Variants in DOCK3 observed in about 807,000 individuals in gnomAD.
DOCK3 encodes dedicator of cytokinesis protein 3.
In DOCK3, 60 loss-of-function variants were observed where a neutral mutation model predicts 265.6. That is an observed-to-expected ratio of 0.23 (90% CI 0.18 to 0.28). The LOEUF (loss-of-function observed/expected upper bound fraction) is 0.28. DOCK3 is among the 10% of genes least tolerant of loss of function. The pLI is 1.00. For missense variants in DOCK3, 1,981 were observed against 2,594.3 expected (o/e 0.76, Z 5.14); for synonymous variants, 881 against 938.0 (o/e 0.94, Z 1.11).
At chr3:51,332,038 G>A (rs1336482542) in intron 33 of DOCK3, among the ~76,000 whole-genome samples, 1 of 152,234 alleles carries the variant, frequency 6.6e-6, no homozygotes, top group Non-Finnish European at 1.5e-5. Context: ...TTTCTCAGAA[G>A]CCTGGCCTAG....
intron 5 of DOCK3, among the ~76,000 whole-genome samples, chr3:50,938,747 A>G (rs2051534309): frequency 6.6e-6 from 1 of 152,032 alleles, no homozygotes; most frequent in South Asian, 2.1e-4. Flanking sequence ...ATACTGCAAA[A>G]GCATTGTTGA....
intron 9 of DOCK3, among the ~76,000 whole-genome samples, chr3:51,098,334 T>C (rs4465974): frequency 0.9 from 137,232 of 152,294 alleles, 62,028 homozygotes; most frequent in African/African-American, 0.95. Flanking sequence ...GGATTACAGG[T>C]GTGAGCCACT....
chr3:50,788,740 C>G (rs914412148), intron 2 of DOCK3, among the ~76,000 whole-genome samples: 1 of 148,634 alleles, frequency 6.7e-6, no homozygotes, highest in African/African-American at 2.5e-5. Context: ...TCTGGACTTC[C>G]TTCTGAGTGC....
chr3:51,147,417 G>T (rs1229569144), intron 10 of DOCK3, among the ~76,000 whole-genome samples: 4 of 152,082 alleles, frequency 2.6e-5, no homozygotes, highest in African/African-American at 9.7e-5. Context: ...AGGTATACAT[G>T]TGCCATGTTG....
intron 23 of DOCK3, among the ~76,000 whole-genome samples, chr3:51,262,158 G>C (rs574989493): frequency 2.0e-5 from 3 of 152,160 alleles, no homozygotes; most frequent in Admixed American, 6.5e-5. Context: ...CGCCTCATAC[G>C]GGAGAGCTCT....
intron 12 of DOCK3, among the ~76,000 whole-genome samples, chr3:51,190,022 A>G (rs961580017): frequency 2.0e-5 from 3 of 152,148 alleles, no homozygotes; most frequent in Non-Finnish European, 4.4e-5. Flanking sequence ...CACAAGCGCA[A>G]AGGCTTTCTG....
chr3:51,144,693 G>T (rs1028334694), intron 9 of DOCK3, among the ~76,000 whole-genome samples: 2 of 152,122 alleles, frequency 1.3e-5, no homozygotes, highest in Non-Finnish European at 2.9e-5. Context: ...ATGTCTAACT[G>T]CCTACCAGGA....
At chr3:50,942,105 G>A (rs1222414323) in intron 5 of DOCK3, among the ~76,000 whole-genome samples, 3 of 151,970 alleles carry the variant, frequency 2.0e-5, no homozygotes. Context: ...GATGAAGCTG[G>A]GTAAATGGTA....
At chr3:51,166,740 T>A (rs1439064878) in intron 12 of DOCK3, among the ~76,000 whole-genome samples, 1 of 152,256 alleles carries the variant, frequency 6.6e-6, no homozygotes, top group African/African-American at 2.4e-5. Context: ...TTCATATACC[T>A]GTTGGCCATT....
intron 27 of DOCK3, among the ~76,000 whole-genome samples, chr3:51,300,541 C>T (rs1481016998): frequency 1.3e-5 from 2 of 152,104 alleles, no homozygotes; most frequent in Non-Finnish European, 2.9e-5. Flanking sequence ...GTGGGTTTGT[C>T]GTAAATGCCA....
At chr3:50,988,692 C>T (rs796997467) in intron 5 of DOCK3, among the ~76,000 whole-genome samples, 15 of 152,274 alleles carry the variant, frequency 9.9e-5, no homozygotes, top group East Asian at 3.9e-4. Flanking sequence ...GTTTTGCAGC[C>T]GTCACTTGTG....
intron 2 of DOCK3, among the ~76,000 whole-genome samples, chr3:50,792,457 C>T (rs1435439646): frequency 6.6e-6 from 1 of 152,074 alleles, no homozygotes; most frequent in East Asian, 1.9e-4. Context: ...CTTTTTCTTG[C>T]CTAATTGTTC....
At chr3:51,213,599 G>A (rs1031249925) in intron 13 of DOCK3, among the ~76,000 whole-genome samples, 2 of 152,176 alleles carry the variant, frequency 1.3e-5, no homozygotes, top group African/African-American at 4.8e-5. Flanking sequence ...AGAATGTGAT[G>A]TCTCCTCTGT....
At chr3:51,348,665 T>C (rs369906421) in intron 38 of DOCK3, among the ~76,000 whole-genome samples, 187 bp from the exon 39 acceptor site, 25 of 152,244 alleles carry the variant, frequency 1.6e-4, no homozygotes, top group East Asian at 9.6e-4. Flanking sequence ...CTAAAAACTA[T>C]GCTTGAGCTA....
chr3:50,752,065 C>T (rs529255872), intron 1 of DOCK3, among the ~76,000 whole-genome samples: 1 of 152,234 alleles, frequency 6.6e-6, no homozygotes, highest in African/African-American at 2.4e-5. Context: ...CTATATCACC[C>T]CAGTACCTGC....
At chr3:51,089,163 C>G in intron 7 of DOCK3, 80 bp from the exon 8 acceptor site, 1 of 1,430,328 alleles carries the variant, frequency 7.0e-7, no homozygotes, top group Admixed American at 2.0e-5. Context: ...GCATAGCAGA[C>G]TGCCCAGCAT....
intron 33 of DOCK3, among the ~76,000 whole-genome samples, chr3:51,331,955 G>A (rs1276623462): frequency 1.3e-5 from 2 of 152,162 alleles, no homozygotes; most frequent in Non-Finnish European, 2.9e-5. Flanking sequence ...ATTTCTCAAC[G>A]GATAAAGCCA....
At chr3:50,888,126 A>C (rs1474957045) in intron 3 of DOCK3, among the ~76,000 whole-genome samples, 1 of 152,152 alleles carries the variant, frequency 6.6e-6, no homozygotes, top group Admixed American at 6.6e-5. Flanking sequence ...GTGTCAGCCC[A>C]AAATCTCCTT....
At chr3:50,886,272 C>T (rs567692283) in intron 3 of DOCK3, among the ~76,000 whole-genome samples, 158 of 150,264 alleles carry the variant, frequency 1.1e-3, no homozygotes, top group Admixed American at 1.8e-3. Context: ...ATGTTTATTT[C>T]ATCTTCCCAG....
Sources: allele counts gnomAD v4.1 joint callset (sites outside exome capture counted in the v4.1 genomes callset), GRCh38; gene constraint gnomAD v4.1.1; transcripts MANE v1.5; gene names NCBI Gene and HGNC (gene_info 2026-07-23, HGNC 2026-07-21).